LPP: variants seen among roughly 807,000 people sequenced by gnomAD.
LPP encodes the protein LIM domain containing preferred translocation partner in lipoma, also known as lipoma-preferred partner.
LPP carries 38 observed loss-of-function variants against 60.4 expected under a neutral mutation model. That is an observed-to-expected ratio of 0.63 (90% confidence interval 0.49 to 0.83). LPP has a LOEUF of 0.83. Among genes scored for constraint, LPP ranks in the 40% least tolerant of loss-of-function variants. The pLI is 0.00. For synonymous variants in LPP, 328 were observed against 290.8 expected, an observed-to-expected ratio of 1.13 and a Z score of -1.30; for missense variants, 902 against 783.6, an observed-to-expected ratio of 1.15 and a Z score of -1.80.
chr3:188,441,003 C>T (rs1428808298), intron 4 of LPP, among the ~76,000 whole-genome samples: 1 of 136,322 alleles, frequency 7.3e-6, no homozygotes, highest in South Asian at 2.6e-4. Flanking sequence ...TGGATTGATG[C>T]AGTGTACTCT....
intron 7 of LPP, among the ~76,000 whole-genome samples, chr3:188,664,609 G>T (rs1011096814): frequency 6.6e-6 from 1 of 151,898 alleles, no homozygotes; most frequent in South Asian, 2.1e-4. Flanking sequence ...GTATGTGTGT[G>T]TGTGTGTCTG....
intron 7 of LPP, among the ~76,000 whole-genome samples, chr3:188,707,985 T>G (rs551978852): frequency 2.0e-5 from 3 of 152,194 alleles, no homozygotes; most frequent in Non-Finnish European, 2.9e-5. Context: ...TAACAGCAAA[T>G]AGTGATTACT....
rs140778241 is a variant in LPP, at chr3:188,764,293, G to A, written c.1410+4011G>A. 9.1e-3 allele frequency among the ~76,000 whole-genome samples: 1,380 copies of A among 152,254 alleles called. 22 individuals carry two copies. The highest frequency in any genetic ancestry group is 0.032 in the African/African-American group (1,312 of 41,550). Reference sequence around the variant, plus strand: ...TATCAGTGTCCTCATTTACTAAAGGGAGATATTAATTTCTCCCATGTCTTC... The same window carrying A: ...TATCAGTGTCCTCATTTACTAAAGGAAGATATTAATTTCTCCCATGTCTTC... On this transcript the variant is annotated intron_variant, in intron 9 of 11. Transcript: ENST00000617246.
intron 4 of LPP, among the ~76,000 whole-genome samples, chr3:188,423,868 G>C (rs1788551580): frequency 6.7e-6 from 1 of 150,076 alleles, no homozygotes; most frequent in African/African-American, 2.4e-5. Context: ...TTGTCAGATG[G>C]ATAGATTGCA....
intron 3 of LPP, among the ~76,000 whole-genome samples, chr3:188,405,694 A>C (rs1783294109): frequency 6.6e-6 from 1 of 152,152 alleles, no homozygotes; most frequent in Admixed American, 6.5e-5. Context: ...TGAGATAATT[A>C]ATTTAATAGA....
intron 9 of LPP, among the ~76,000 whole-genome samples, chr3:188,800,453 G>A (rs754231781): frequency 2.6e-5 from 4 of 151,724 alleles, no homozygotes; most frequent in Non-Finnish European, 4.4e-5. Flanking sequence ...CATCGTGTTA[G>A]CCAGGATGGT....
At chr3:188,541,733 A>G (rs1405695618) in intron 6 of LPP, among the ~76,000 whole-genome samples, 2 of 151,966 alleles carry the variant, frequency 1.3e-5, no homozygotes, top group Non-Finnish European at 2.9e-5. Context: ...TCTCTTTCTA[A>G]TAAAAATACA....
intron 2 of LPP, among the ~76,000 whole-genome samples, chr3:188,258,867 A>G (rs949793096): frequency 7.9e-5 from 12 of 152,140 alleles, no homozygotes; most frequent in African/African-American, 2.9e-4. Flanking sequence ...CACTGAGAAC[A>G]TTTATATTTT....
intron 7 of LPP, among the ~76,000 whole-genome samples, chr3:188,671,188 A>G (rs920322849): frequency 6.6e-6 from 1 of 152,246 alleles, no homozygotes; most frequent in African/African-American, 2.4e-5. Context: ...TATAACGACC[A>G]TAGATACTAA....
At chr3:188,250,730 CTTTCTT>C (rs1560158157) in intron 2 of LPP, among the ~76,000 whole-genome samples, 5 of 56,178 alleles carry the variant, frequency 8.9e-5, no homozygotes, top group South Asian at 1.5e-3. Flanking sequence ...TTCTCTCTTT[CTTTCTT>C]TCTTTCTTTC....
intron 7 of LPP, among the ~76,000 whole-genome samples, chr3:188,617,453 TA>T (rs1464390702): frequency 4.6e-5 from 7 of 152,308 alleles, no homozygotes; most frequent in African/African-American, 1.7e-4. Flanking sequence ...TCTTATTTCC[TA>T]TCTTTAGAAC....
chr3:188,522,120 A>T (rs1489019890), intron 5 of LPP, among the ~76,000 whole-genome samples: 3 of 152,212 alleles, frequency 2.0e-5, no homozygotes, highest in African/African-American at 7.2e-5. Flanking sequence ...GCACCTTGAA[A>T]ACATCTGTTT....
At chr3:188,362,936 T>C (rs1769940654) in intron 3 of LPP, among the ~76,000 whole-genome samples, 1 of 152,208 alleles carries the variant, frequency 6.6e-6, no homozygotes, top group Non-Finnish European at 1.5e-5. Flanking sequence ...TCCACCACAT[T>C]ATTAATTCCA....
In LPP at chr3:188,613,300, ATATCTATATC is replaced by A. The variant is rs1553944250; in HGVS notation, c.1113+3460_1113+3469del. ...TATATCTATATCTATATCTATATCT[ATATCTATATC>A]TATATATATCGCTGTGAGTTGGGAG... On this transcript the variant is annotated intron_variant, in intron 7 of 11. Coordinates refer to ENST00000617246, the MANE Select transcript of LPP (RefSeq NM_001375462.1). Among the ~76,000 whole-genome samples the A allele has an allele frequency of 7.0e-3, 1,025 of 146,266 alleles. 12 individuals carry two copies. The highest frequency in any genetic ancestry group is 0.024 in the African/African-American group (970 of 39,612).
chr3:188,295,941 G>C (rs1577922430), intron 2 of LPP, among the ~76,000 whole-genome samples: 1 of 152,146 alleles, frequency 6.6e-6, no homozygotes. Context: ...GCCTTCCTGA[G>C]CCTCACTTTC....
chr3:188,738,053 A>C (rs1320023485), intron 8 of LPP, among the ~76,000 whole-genome samples: 1 of 151,008 alleles, frequency 6.6e-6, no homozygotes, highest in African/African-American at 2.4e-5. Context: ...TCCCCTCTAC[A>C]TTTTTTTCTG....
chr3:188,681,020 C>CA (rs1859376933), intron 7 of LPP, among the ~76,000 whole-genome samples: 1 of 135,054 alleles, frequency 7.4e-6, no homozygotes, highest in Non-Finnish European at 1.5e-5. Context: ...TTTTGTGAGA[C>CA]AGAGTCTCGC....
intron 6 of LPP, among the ~76,000 whole-genome samples, chr3:188,607,771 CTATT>C (rs1168448056): frequency 6.6e-6 from 1 of 151,980 alleles, no homozygotes; most frequent in Non-Finnish European, 1.5e-5. Context: ...CAAAATTCAC[CTATT>C]TTGAAAATAA....
At chr3:188,444,515 G>C (rs536744894) in intron 4 of LPP, among the ~76,000 whole-genome samples, 46 of 152,014 alleles carry the variant, frequency 3.0e-4, no homozygotes, top group African/African-American at 1.1e-3. Flanking sequence ...ATTTATTATA[G>C]AAAATAAAAA....
Sources: allele counts gnomAD v4.1 joint callset (sites outside exome capture counted in the v4.1 genomes callset), GRCh38; gene constraint gnomAD v4.1.1; transcripts MANE v1.5; gene names NCBI Gene and HGNC (gene_info 2026-07-23, HGNC 2026-07-21).